SRGAP3: variants seen among roughly 807,000 people sequenced by gnomAD.
The protein encoded by SRGAP3 is SLIT-ROBO Rho GTPase activating protein 3.
In SRGAP3, 39 loss-of-function variants were observed where a neutral mutation model predicts 121.1. That is an observed-to-expected ratio of 0.32 (90% CI 0.25 to 0.42). The LOEUF (loss-of-function observed/expected upper bound fraction) is 0.42, where lower values mean the gene tolerates loss of function less well. SRGAP3 is among the 10% of genes least tolerant of loss of function. The pLI is 1.00. For missense variants in SRGAP3, 1,213 were observed against 1,470.6 expected (o/e 0.82, Z 2.86); for synonymous variants, 601 against 570.0 (o/e 1.05, Z -0.77).
At position 8,990,527 on chromosome 3, in the gene SRGAP3, G is replaced by C; in HGVS notation, c.2871C>G (p.Ala957=). 1 of 1,559,656 alleles carries C rather than the reference G, an allele frequency of 6.4e-7. No individual in the cohort carries two copies. The highest frequency in any genetic ancestry group is 8.7e-7 in the Non-Finnish European group (1 of 1,151,942). Residue 957 remains alanine, a synonymous_variant, in exon 21 of 22, where the codon GCC becomes GCG. Transcript: ENST00000383836. ...TGGCCCTTACTTCTGCCAGGGCCTCGGCCTCCAGGGACTTGTGGTCCCCTA... is the reference window on the plus strand; with the variant it reads ...TGGCCCTTACTTCTGCCAGGGCCTCCGCCTCCAGGGACTTGTGGTCCCCTA... ...SSLGDHKSLE[A]EALAEDIEKT... is the part of the protein sequence containing the mutation.
intron 17 of SRGAP3, among the ~76,000 whole-genome samples, chr3:9,011,480 G>A (rs1333202398): frequency 1.3e-5 from 2 of 152,170 alleles, no homozygotes; most frequent in African/African-American, 2.4e-5. Context: ...CACATGCTAT[G>A]CTCTGACCAC....
rs1398102043 is a variant in SRGAP3 at position 9,064,570 on chromosome 3, G to A, written c.498C>T (p.Thr166=). ...VTNELYTVMK[T]YHMYHAESIS... is the part of the protein sequence containing the mutation. The stretch of plus-strand genomic sequence containing the variant: ...TGCTCTCTGCATGGTACATGTGGTA[G>A]GTTTTCATGACCTGGGGGTGCACAA... The change falls in exon 5 of 22, where the codon ACC becomes ACT. Residue 166 remains threonine (T), a synonymous_variant. Coordinates refer to ENST00000383836, the MANE Select transcript of SRGAP3 (RefSeq NM_014850.4). 9 of 1,614,034 alleles carry A rather than the reference G, an allele frequency of 5.6e-6. No individual in the cohort carries two copies. The highest frequency in any genetic ancestry group is 6.8e-6 in the Non-Finnish European group (8 of 1,180,004).
At chr3:9,010,906 C>T (rs1943337098) in intron 17 of SRGAP3, among the ~76,000 whole-genome samples, 1 of 152,192 alleles carries the variant, frequency 6.6e-6, no homozygotes, top group Non-Finnish European at 1.5e-5. Flanking sequence ...GACTGGCAAC[C>T]ATGATGGGCA....
At chr3:9,335,698 T>G (rs1955678344) in intron 1 of SRGAP3, among the ~76,000 whole-genome samples, 1 of 152,196 alleles carries the variant, frequency 6.6e-6, no homozygotes. Context: ...ACTCTGTGGA[T>G]GAAACTCAGG....
chr3:9,264,062 C>T (rs1263229026), intron 3 of SRGAP3, among the ~76,000 whole-genome samples: 1 of 152,160 alleles, frequency 6.6e-6, no homozygotes, highest in Non-Finnish European at 1.5e-5. Flanking sequence ...AAGGCTGGTT[C>T]AACATAAGCA....
chr3:9,010,176 A>G, intron 18 of SRGAP3, 132 bp downstream of exon 18: 1 of 1,099,784 alleles, frequency 9.1e-7, no homozygotes, highest in South Asian at 1.3e-5. Context: ...GTCTTCGTCT[A>G]TTCTGAAGGA....
At chr3:9,019,117 G>A (rs1398711010) in intron 14 of SRGAP3, among the ~76,000 whole-genome samples, 1 of 151,990 alleles carries the variant, frequency 6.6e-6, no homozygotes, top group Non-Finnish European at 1.5e-5. Flanking sequence ...ATCTCTTAGG[G>A]GTCAACATTT....
At chr3:9,170,780 T>C (rs435890) in intron 1 of SRGAP3, among the ~76,000 whole-genome samples, 27,005 of 152,200 alleles carry the variant, frequency 0.18, 2,982 homozygotes, top group Non-Finnish European at 0.26. Context: ...ACACCACAGA[T>C]ACCTGCCCTC....
chr3:9,272,264 C>T (rs765166045), intron 3 of SRGAP3, among the ~76,000 whole-genome samples: 4 of 152,214 alleles, frequency 2.6e-5, no homozygotes, highest in Non-Finnish European at 5.9e-5. Context: ...AAAATACACA[C>T]AAGATCTACC....
At position 8,981,649 on chromosome 3, in the gene SRGAP3, A is replaced by G. The variant is rs1941419440; in HGVS notation, c.*3870T>C. 1 of 232,344 alleles carries G rather than the reference A, an allele frequency of 4.3e-6. No individual in the cohort carries two copies. The highest frequency in any genetic ancestry group is 2.2e-5 in the African/African-American group (1 of 45,260). The allele number at this position is 232,344 out of a possible 1,614,324, so 14.4% of individuals were successfully genotyped here. A position where few individuals can be genotyped will look rare whatever the true frequency, so the allele number is the denominator to read the frequency against. ...ACTCCAACAGAGAAGAAAGCCCCACATAAAGGCCCCTTCCCACACTGGTTC... is the reference window on the plus strand; with the variant it reads ...ACTCCAACAGAGAAGAAAGCCCCACGTAAAGGCCCCTTCCCACACTGGTTC... On this transcript the variant is annotated 3_prime_UTR_variant, in exon 22 of 22. Transcript: ENST00000383836.
intron 3 of SRGAP3, among the ~76,000 whole-genome samples, chr3:9,309,631 C>T (rs1955210915): frequency 1.3e-5 from 2 of 152,160 alleles, no homozygotes; most frequent in South Asian, 4.1e-4. Context: ...GAGGCCAAGG[C>T]AGGAGGATCA....
intron 18 of SRGAP3, among the ~76,000 whole-genome samples, chr3:8,995,315 A>T (rs1037744751): frequency 6.6e-5 from 10 of 151,718 alleles, no homozygotes; most frequent in Admixed American, 2.0e-4. Flanking sequence ...CCAAAAAAAA[A>T]TTTTTTTTTA....
intron 1 of SRGAP3, among the ~76,000 whole-genome samples, chr3:9,232,218 C>T (rs774862608): frequency 2.8e-4 from 43 of 152,196 alleles, no homozygotes; most frequent in Non-Finnish European, 5.6e-4. Context: ...CTTTCTTTTA[C>T]AGTTCAGCTG....
chr3:9,042,518 T>C (rs995104671), intron 10 of SRGAP3, among the ~76,000 whole-genome samples: 3 of 151,444 alleles, frequency 2.0e-5, no homozygotes, highest in Non-Finnish European at 4.4e-5. Context: ...AAAATAGAAC[T>C]TGGGGCAAAT....
chr3:9,272,324 T>C (rs540632451), intron 3 of SRGAP3, among the ~76,000 whole-genome samples: 476 of 152,340 alleles, frequency 3.1e-3, no homozygotes, highest in Non-Finnish European at 4.4e-3. Context: ...GCCATTCACA[T>C]TGTTGTGCAG....
At position 9,243,374 on chromosome 3, in the gene SRGAP3, T is replaced by C. The variant is rs367574745; in HGVS notation, c.67+5511A>G. Among the ~76,000 whole-genome samples the C allele has an allele frequency of 1.7e-4, 26 of 151,976 alleles. No homozygotes were observed. The East Asian group carries it at 3.9e-3, about 23-fold the overall frequency. On this transcript the variant is annotated intron_variant, in intron 1 of 21. Coordinates refer to ENST00000383836, the MANE Select transcript of SRGAP3 (RefSeq NM_014850.4). The stretch of plus-strand genomic sequence containing the variant: ...TGGTCGCCAGGCATGGTGGCTCACG[T>C]CTGTAATCCCAGCATTTTGGGAGGC...
intron 3 of SRGAP3, among the ~76,000 whole-genome samples, chr3:9,097,498 C>A (rs1291414086): frequency 6.6e-6 from 1 of 152,160 alleles, no homozygotes; most frequent in Non-Finnish European, 1.5e-5. Flanking sequence ...CCGGCCCCAG[C>A]CTTGGCCACT....
Position 9,047,401 on chromosome 3 carries a change from G to A in SRGAP3, c.1398C>T (p.Thr466=). Residue 466 remains threonine, a synonymous_variant, in exon 10 of 22, where the codon ACC becomes ACT. Coordinates refer to ENST00000383836, the MANE Select transcript of SRGAP3 (RefSeq NM_014850.4). ...CACCAGCCCACTCACCTTCGCCCAG[G>A]GTCTGCTTGAGTAAATCGTGCTTGG... The part of the protein sequence containing the change: ...LQAKHDLLKQ[T]LGEGERAECG... 1 of 1,614,120 alleles carries A rather than the reference G, an allele frequency of 6.2e-7. No individual in the cohort carries two copies. Among genetic ancestry groups the A allele is most frequent in the Non-Finnish European group, 8.5e-7 (1 of 1,180,018 alleles).
intron 3 of SRGAP3, among the ~76,000 whole-genome samples, chr3:9,304,764 G>C (rs1955128992): frequency 6.6e-6 from 1 of 152,130 alleles, no homozygotes; most frequent in Non-Finnish European, 1.5e-5. Context: ...ATCTTCCCAG[G>C]GCTTCCCATT....
Sources: allele counts gnomAD v4.1 joint callset (sites outside exome capture counted in the v4.1 genomes callset), GRCh38; gene constraint gnomAD v4.1.1; transcripts MANE v1.5; gene names NCBI Gene and HGNC (gene_info 2026-07-23, HGNC 2026-07-21).